Variants in SGSM1 observed in about 807,000 individuals in gnomAD.
SGSM1 encodes the protein small G protein signaling modulator 1.
Under a neutral mutation model 133.8 loss-of-function variants are expected in SGSM1, and 73 were observed. That is an observed-to-expected ratio of 0.55 (90% CI 0.45 to 0.66). The LOEUF is 0.66. SGSM1 is among the 30% of genes least tolerant of loss of function. SGSM1 has a pLI of 0.00. For synonymous variants in SGSM1, 563 were observed against 573.0 expected, an observed-to-expected ratio of 0.98 and a Z score of 0.25; for missense variants, 1,213 against 1,448.1, an observed-to-expected ratio of 0.84 and a Z score of 2.64.
chr22:24,870,356 C>T (rs1043902049), intron 12 of SGSM1, among the ~76,000 whole-genome samples: 3 of 152,198 alleles, frequency 2.0e-5, no homozygotes, highest in African/African-American at 7.2e-5. Context: ...CTGTGAAGAC[C>T]AACATTCATT....
At chr22:24,817,214 G>A (rs974208199) in intron 2 of SGSM1, among the ~76,000 whole-genome samples, 1 of 152,158 alleles carries the variant, frequency 6.6e-6, no homozygotes, top group East Asian at 1.9e-4. Context: ...CTACAGTCCC[G>A]AGTGCTGCCT....
chr22:24,859,029 A>G (rs113725246), intron 8 of SGSM1, among the ~76,000 whole-genome samples: 4,255 of 152,276 alleles, frequency 0.028, 98 homozygotes, highest in Middle Eastern at 0.058. Context: ...GAAATACTGC[A>G]CTGCTCCTCC....
chr22:24,872,081 G>A (rs539545613), intron 12 of SGSM1, among the ~76,000 whole-genome samples: 5 of 152,268 alleles, frequency 3.3e-5, no homozygotes, highest in African/African-American at 7.2e-5. Flanking sequence ...GAGGTGAATC[G>A]TTGTGACAGA....
At chr22:24,874,447 G>A (rs750633619) in intron 12 of SGSM1, 71 of 1,612,676 alleles carry the variant, frequency 4.4e-5, no homozygotes, top group Non-Finnish European at 5.5e-5. Flanking sequence ...CACTTCCTCC[G>A]TCTCTGTGGG....
At position 24,889,850 on chromosome 22, in the gene SGSM1, C is replaced by T. The variant is rs191687287; in HGVS notation, c.1770+3122C>T. 1.9e-4 allele frequency among the ~76,000 whole-genome samples: 28 copies of T among 147,544 alleles called. No homozygotes were observed. The East Asian group carries it at 5.5e-3, about 29-fold the overall frequency. ...ATTTTTAGTAGAGACGAGGTTTCAC[C>T]GTGTTGGCCGGGCTGGTCTTGAACT... On this transcript the variant is annotated intron_variant, in intron 16 of 24. Coordinates refer to ENST00000400358, the MANE Select transcript of SGSM1 (RefSeq NM_001098497.3).
chr22:24,834,082 G>A (rs117222798), intron 2 of SGSM1, among the ~76,000 whole-genome samples: 11 of 152,376 alleles, frequency 7.2e-5, no homozygotes, highest in East Asian at 1.9e-4. Context: ...AGGTGGCCGC[G>A]CTCCTGCATC....
chr22:24,841,074 T>G (rs533228674), intron 2 of SGSM1, among the ~76,000 whole-genome samples: 14 of 152,144 alleles, frequency 9.2e-5, no homozygotes, highest in African/African-American at 2.9e-4. Context: ...ATGGTCTCGA[T>G]CTCCTGACCT....
intron 5 of SGSM1, among the ~76,000 whole-genome samples, chr22:24,854,774 C>G (rs1413007792): frequency 6.6e-6 from 1 of 152,176 alleles, no homozygotes; most frequent in African/African-American, 2.4e-5. Context: ...TTTGATTGTA[C>G]CACTGCACTC....
chr22:24,885,625 T>C (rs1932553165), intron 15 of SGSM1, among the ~76,000 whole-genome samples: 2 of 151,972 alleles, frequency 1.3e-5, no homozygotes, highest in South Asian at 2.1e-4. Flanking sequence ...GGTTTCACCA[T>C]GTTGGCCAGG....
intron 3 of SGSM1, among the ~76,000 whole-genome samples, chr22:24,847,013 T>C (rs1930188499): frequency 6.6e-6 from 1 of 151,990 alleles, no homozygotes; most frequent in African/African-American, 2.4e-5. Flanking sequence ...GCTAATTTCT[T>C]ATATTTTTAG....
intron 2 of SGSM1, among the ~76,000 whole-genome samples, chr22:24,836,475 G>A (rs538117460): frequency 5.3e-5 from 8 of 152,334 alleles, no homozygotes; most frequent in African/African-American, 1.9e-4. Flanking sequence ...GCCCAGAAGT[G>A]GAATGACTGG....
chr22:24,901,997 G>T, intron 20 of SGSM1, 40 bp downstream of exon 20: 2 of 1,436,378 alleles, frequency 1.4e-6, no homozygotes, highest in South Asian at 1.4e-5. Context: ...GATGGGGATG[G>T]TGGGTGGGTG....
chr22:24,819,125 G>A (rs1230047116), intron 2 of SGSM1, among the ~76,000 whole-genome samples: 37 of 142,528 alleles, frequency 2.6e-4, no homozygotes, highest in Middle Eastern at 3.5e-3. Context: ...CAGCCTGGGC[G>A]ACAGAGCAAG....
chr22:24,862,935 C>T (rs11090352), intron 9 of SGSM1, among the ~76,000 whole-genome samples: 18,117 of 152,092 alleles, frequency 0.12, 1,137 homozygotes, highest in South Asian at 0.24. Flanking sequence ...AACACTGAAG[C>T]GTCTTGCACC....
intron 2 of SGSM1, among the ~76,000 whole-genome samples, chr22:24,830,040 G>A (rs550909187): frequency 7.7e-6 from 1 of 129,926 alleles, no homozygotes; most frequent in African/African-American, 2.9e-5. Context: ...TCTGTGCCCC[G>A]GGATGGGTTC....
In SGSM1 at chr22:24,893,586, G is replaced by A. The variant is rs762615704; in HGVS notation, c.1926G>A (p.Leu642=). The change falls in exon 17 of 25, where the codon TTG becomes TTA. Residue 642 remains leucine (L), a synonymous_variant. Coordinates refer to ENST00000400358, the MANE Select transcript of SGSM1 (RefSeq NM_001098497.3). ...TGGACAGCCACCTGCACCGGATGTT[G>A]CACAGGGACTCAACCATCAGCAATG... The part of the protein sequence containing the change: ...ASLDSHLHRM[L]HRDSTISNES... 56 of 1,584,178 alleles carry A rather than the reference G, an allele frequency of 3.5e-5. No homozygotes were observed. The highest frequency in any genetic ancestry group is 4.8e-5 in the Non-Finnish European group (56 of 1,166,140).
At chr22:24,820,071 A>C (rs1928374143) in intron 2 of SGSM1, among the ~76,000 whole-genome samples, 1 of 152,042 alleles carries the variant, frequency 6.6e-6, no homozygotes, top group South Asian at 2.1e-4. Flanking sequence ...GAGGCTGGCC[A>C]GTCTCCAGGG....
Position 24,851,229 on chromosome 22 carries a change from T to C in SGSM1, c.455+797T>C, listed in dbSNP as rs535425818. Among the ~76,000 whole-genome samples the C allele has an allele frequency of 3.3e-5, 5 of 152,262 alleles. No homozygotes were observed. In the South Asian group the frequency reaches 1.0e-3, roughly 32 times the overall value. ...GCCCTCTTGGGTAACCATTCATCCA[T>C]GCATTCATTCATCCAGCAAATATTT... On this transcript the variant is annotated intron_variant, in intron 5 of 24. Coordinates refer to ENST00000400358, the MANE Select transcript of SGSM1 (RefSeq NM_001098497.3).
At chr22:24,814,471 A>G (rs574880752) in intron 2 of SGSM1, among the ~76,000 whole-genome samples, 3 of 151,854 alleles carry the variant, frequency 2.0e-5, no homozygotes, top group Admixed American at 6.6e-5. Context: ...TGGCTGCACA[A>G]TCCTCCTCTG....
Sources: allele counts gnomAD v4.1 joint callset (sites outside exome capture counted in the v4.1 genomes callset), GRCh38; gene constraint gnomAD v4.1.1; transcripts MANE v1.5; gene names NCBI Gene and HGNC (gene_info 2026-07-23, HGNC 2026-07-21).